RABGAP1L: variants seen among roughly 807,000 people sequenced by gnomAD.
RABGAP1L encodes RAB GTPase activating protein 1 like, also known as rab GTPase-activating protein 1-like.
Under a neutral mutation model 137.7 loss-of-function variants are expected in RABGAP1L, and 63 were observed. The ratio of observed to expected loss-of-function variants is 0.46; its 90% confidence interval spans 0.37 to 0.56. RABGAP1L has a LOEUF of 0.56. Among genes scored for constraint, RABGAP1L ranks in the 20% least tolerant of loss-of-function variants. RABGAP1L has a pLI of 0.00. For missense variants in RABGAP1L, 1,095 were observed against 1,244.0 expected, an observed-to-expected ratio of 0.88 and a Z score of 1.80; for synonymous variants, 431 against 433.7, an observed-to-expected ratio of 0.99 and a Z score of 0.08.
chr1:174,788,515 A>G (rs912078715), intron 18 of RABGAP1L, among the ~76,000 whole-genome samples: 2 of 152,118 alleles, frequency 1.3e-5, no homozygotes, highest in Non-Finnish European at 2.9e-5. Context: ...CTCACATTCG[A>G]TTGACTACAA....
intron 19 of RABGAP1L, chr1:174,946,018 C>G (rs1666683656): frequency 6.6e-6 from 1 of 150,388 alleles, no homozygotes; most frequent in Admixed American, 6.6e-5. Flanking sequence ...ATTTGGCTAT[C>G]TGTCTCTCTC....
At chr1:174,314,218 T>C (rs1679147671) in intron 11 of RABGAP1L, among the ~76,000 whole-genome samples, 1 of 152,224 alleles carries the variant, frequency 6.6e-6, no homozygotes, top group Admixed American at 6.5e-5. Context: ...GTCTTGGATT[T>C]CTTCATGGTT....
chr1:174,707,121 A>G (rs985597040), intron 17 of RABGAP1L, among the ~76,000 whole-genome samples: 22 of 152,216 alleles, frequency 1.4e-4, no homozygotes, highest in Admixed American at 7.8e-4. Context: ...GCTTTAATGG[A>G]TACTGCCAAA....
intron 13 of RABGAP1L, among the ~76,000 whole-genome samples, chr1:174,492,323 G>A (rs1187924345): frequency 6.6e-6 from 1 of 150,474 alleles, no homozygotes; most frequent in African/African-American, 2.5e-5. Context: ...TGGGATTACA[G>A]GTGCATGCCA....
chr1:174,779,731 A>G (rs1301122090), intron 18 of RABGAP1L, among the ~76,000 whole-genome samples: 1 of 152,156 alleles, frequency 6.6e-6, no homozygotes, highest in Non-Finnish European at 1.5e-5. Flanking sequence ...AATTGTTTAT[A>G]TGGTAAATAC....
At chr1:174,893,218 C>T (rs1457512559) in intron 19 of RABGAP1L, 2 of 157,050 alleles carry the variant, frequency 1.3e-5, no homozygotes, top group African/African-American at 4.8e-5. Context: ...TATATCGAAA[C>T]ATCTCTCCAG....
intron 1 of RABGAP1L, among the ~76,000 whole-genome samples, chr1:174,204,596 A>G (rs1018785034): frequency 5.9e-5 from 9 of 152,096 alleles, no homozygotes; most frequent in Admixed American, 3.3e-4. Context: ...TTTACTGAGA[A>G]TTTTTAACAT....
chr1:174,744,838 T>G (rs886234187), intron 17 of RABGAP1L, among the ~76,000 whole-genome samples: 1 of 152,198 alleles, frequency 6.6e-6, no homozygotes, highest in Non-Finnish European at 1.5e-5. Context: ...AGTGGAGCAT[T>G]TGATAAAAAT....
chr1:174,688,165 CATG>C lies in RABGAP1L; in HGVS notation c.1899+4572_1899+4574del, dbSNP rs149727883. On this transcript the variant is annotated intron_variant, in intron 15 of 25. Coordinates refer to ENST00000681986, the MANE Select transcript of RABGAP1L (RefSeq NM_001366446.1). ...CAATAATAATTTCTAATTTCATAATCATGATATTAGTCTTTATCTCTTAGTCTT... is the reference window on the plus strand; with the variant it reads ...CAATAATAATTTCTAATTTCATAATCATATTAGTCTTTATCTCTTAGTCTT... Among the ~76,000 whole-genome samples the C allele has an allele frequency of 7.0e-4, 107 of 152,190 alleles. 1 individual carries two copies. The East Asian group carries it at 0.01, about 14-fold the overall frequency.
intron 11 of RABGAP1L, among the ~76,000 whole-genome samples, chr1:174,320,994 A>G (rs1464769026): frequency 2.0e-5 from 3 of 152,176 alleles, no homozygotes; most frequent in Non-Finnish European, 4.4e-5. Flanking sequence ...GAATAGGAGA[A>G]ATATTGCTGA....
At chr1:174,694,355 C>A (rs929121796) in intron 15 of RABGAP1L, among the ~76,000 whole-genome samples, 1 of 150,166 alleles carries the variant, frequency 6.7e-6, no homozygotes, top group African/African-American at 2.5e-5. Flanking sequence ...CCCCCTCCCC[C>A]CAACCCACAA....
Position 174,304,420 on chromosome 1 carries a change from T to C in RABGAP1L, c.1324-566T>C, listed in dbSNP as rs186181769. Among the ~76,000 whole-genome samples the C allele has an allele frequency of 2.0e-4, 31 of 151,946 alleles. No homozygotes were observed. In the East Asian group the frequency reaches 5.0e-3, roughly 25 times the overall value. Reference sequence around the variant, plus strand: ...TAAAATGATTCGATTTGCTAATATATATAATTTATAATTTGATTAGCAAAT... The same window carrying C: ...TAAAATGATTCGATTTGCTAATATACATAATTTATAATTTGATTAGCAAAT... On this transcript the variant is annotated intron_variant, in intron 10 of 25. Transcript: ENST00000681986.
At chr1:174,396,723 C>G (rs1476566239) in intron 13 of RABGAP1L, among the ~76,000 whole-genome samples, 1 of 151,912 alleles carries the variant, frequency 6.6e-6, no homozygotes, top group Non-Finnish European at 1.5e-5. Context: ...AGAATACCAT[C>G]CCCTGATATT....
intron 19 of RABGAP1L, among the ~76,000 whole-genome samples, chr1:174,851,653 C>G (rs918105256): frequency 1.3e-5 from 2 of 151,704 alleles, no homozygotes; most frequent in South Asian, 2.1e-4. Flanking sequence ...AGCTTGGCTA[C>G]AGACACGCAC....
At chr1:174,817,042 TG>T (rs1303730557) in intron 19 of RABGAP1L, among the ~76,000 whole-genome samples, 1 of 152,160 alleles carries the variant, frequency 6.6e-6, no homozygotes, top group African/African-American at 2.4e-5. Context: ...CCTTTTTTTT[TG>T]TTTTGTTTTG....
intron 19 of RABGAP1L, among the ~76,000 whole-genome samples, chr1:174,929,844 T>C (rs2149256464): frequency 7.7e-6 from 1 of 129,236 alleles, no homozygotes; most frequent in Non-Finnish European, 1.5e-5. Context: ...TAAAGCAAAA[T>C]TTAATTTTTT....
chr1:174,777,517 T>C (rs1351140993), intron 18 of RABGAP1L, among the ~76,000 whole-genome samples: 1 of 152,220 alleles, frequency 6.6e-6, no homozygotes, highest in African/African-American at 2.4e-5. Context: ...ATCATTGCTT[T>C]ATAGTTGCCT....
intron 11 of RABGAP1L, among the ~76,000 whole-genome samples, chr1:174,313,922 G>A (rs1166051463): frequency 1.3e-5 from 2 of 152,066 alleles, no homozygotes; most frequent in Non-Finnish European, 2.9e-5. Flanking sequence ...TTTTGTTGAT[G>A]ATTTTTGCGT....
At chr1:174,549,245 A>G (rs1344349208) in intron 13 of RABGAP1L, among the ~76,000 whole-genome samples, 1 of 152,202 alleles carries the variant, frequency 6.6e-6, no homozygotes, top group Admixed American at 6.5e-5. Context: ...GTATACTAGT[A>G]GATCTCAAAA....
Sources: gnomAD v4.1 joint callset for allele counts (sites outside exome capture counted in the v4.1 genomes callset) on GRCh38, gnomAD v4.1.1 for gene constraint, MANE v1.5 for transcripts, NCBI Gene and HGNC (gene_info 2026-07-23, HGNC 2026-07-21) for gene names.